The following PHACTR1 variants were observed in gnomAD, a reference collection of about 807,000 sequenced individuals.
PHACTR1 encodes the protein phosphatase and actin regulator 1.
In PHACTR1, 16 loss-of-function variants were observed where a neutral mutation model predicts 69.2. That is an observed-to-expected ratio of 0.23 (90% CI 0.16 to 0.35). PHACTR1 has a LOEUF of 0.35. Among genes scored for constraint, PHACTR1 ranks in the 10% least tolerant of loss-of-function variants. The probability of loss-of-function intolerance (pLI) is 1.00; values close to 1 mark genes in which losing one functional copy is unlikely to be tolerated. For missense variants in PHACTR1, 510 were observed against 734.7 expected, an observed-to-expected ratio of 0.69 and a Z score of 3.54; for synonymous variants, 312 against 284.5, an observed-to-expected ratio of 1.10 and a Z score of -0.97.
At chr6:12,749,310 G>A (rs1384211132) in intron 3 of PHACTR1, 1 of 409,820 alleles carries the variant, frequency 2.4e-6, no homozygotes, top group East Asian at 5.9e-5. Flanking sequence ...GGGAGGCGGG[G>A]TGTCAGCCAA....
rs1232577546 is a variant in PHACTR1, at chr6:13,287,106, T to C, written c.*28T>C. On this transcript the variant is annotated 3_prime_UTR_variant, in exon 15 of 15. Transcript: ENST00000332995. ...GTCGAATTCCTCTTGAGTGCTATGC[T>C]GTCTTCAAAACATAAATTTATAAGA... 3.8e-6 allele frequency: 6 copies of C among 1,589,952 alleles called. No individual in the cohort carries two copies. The East Asian group carries it at 1.1e-4, about 30-fold the overall frequency.
intron 5 of PHACTR1, among the ~76,000 whole-genome samples, chr6:13,073,013 T>G (rs916703765): frequency 2.0e-5 from 3 of 152,138 alleles, no homozygotes; most frequent in Non-Finnish European, 2.9e-5. Flanking sequence ...TTATTTAGAC[T>G]GATTTCGTCT....
chr6:12,857,331 G>A (rs932810177), intron 4 of PHACTR1, among the ~76,000 whole-genome samples: 4 of 152,260 alleles, frequency 2.6e-5, no homozygotes, highest in South Asian at 2.1e-4. Context: ...CAACATTCTC[G>A]TCAGGCGCGG....
intron 4 of PHACTR1, among the ~76,000 whole-genome samples, chr6:12,902,781 C>G (rs1228550920): frequency 1.3e-5 from 2 of 152,178 alleles, no homozygotes; most frequent in African/African-American, 4.8e-5. Flanking sequence ...GGAGAATGTG[C>G]AGATTCGCTC....
intron 4 of PHACTR1, among the ~76,000 whole-genome samples, chr6:13,020,792 G>A (rs1800853975): frequency 6.6e-6 from 1 of 152,108 alleles, no homozygotes; most frequent in African/African-American, 2.4e-5. Context: ...GTACATGTTC[G>A]TTTATTATGG....
rs147348711 is a variant in PHACTR1 at position 12,825,714 on chromosome 6, T to A, written c.250+75924T>A. On this transcript the variant is annotated intron_variant, in intron 4 of 14. Transcript: ENST00000332995. ...TCTCCTATGCAATTTCTTTCTAGAG[T>A]GTCCTTCTGTCTCCATTTTTGCTTT... 1.9e-3 allele frequency among the ~76,000 whole-genome samples: 288 copies of A among 152,154 alleles called. 1 individual carries two copies. Among genetic ancestry groups the A allele is most frequent in the African/African-American group, 6.7e-3 (279 of 41,510 alleles).
chr6:12,718,030 C>T (rs1047153315), intron 2 of PHACTR1, among the ~76,000 whole-genome samples: 1 of 152,094 alleles, frequency 6.6e-6, no homozygotes, highest in African/African-American at 2.4e-5. Context: ...TTGTGACAGG[C>T]TAGTGTATGA....
At position 12,821,412 on chromosome 6, in the gene PHACTR1, G is replaced by A. The variant is rs982238901; in HGVS notation, c.250+71622G>A. Reference sequence around the variant, plus strand: ...TGGGAGGCGGAGGTCGCAGTGAGCTGAGATCGCACCACTGCACTCCAGCCT... The same window carrying A: ...TGGGAGGCGGAGGTCGCAGTGAGCTAAGATCGCACCACTGCACTCCAGCCT... On this transcript the variant is annotated intron_variant, in intron 4 of 14. Coordinates refer to ENST00000332995, the MANE Select transcript of PHACTR1 (RefSeq NM_030948.6). Among the ~76,000 whole-genome samples, 14 of 146,584 alleles carry A rather than the reference G, an allele frequency of 9.6e-5. No homozygotes were observed. In the East Asian group the frequency reaches 2.9e-3, roughly 30 times the overall value.
At chr6:12,835,544 G>C (rs148685591) in intron 4 of PHACTR1, among the ~76,000 whole-genome samples, 1 of 152,034 alleles carries the variant, frequency 6.6e-6, no homozygotes, top group African/African-American at 2.4e-5. Context: ...TTTTAAAAGG[G>C]TATTCAGGAG....
At chr6:13,117,910 C>T (rs939060060) in intron 5 of PHACTR1, among the ~76,000 whole-genome samples, 5 of 152,204 alleles carry the variant, frequency 3.3e-5, no homozygotes, top group Non-Finnish European at 7.3e-5. Context: ...TAAATGAGTG[C>T]AACCACACCC....
chr6:13,166,015 T>A lies in PHACTR1; in HGVS notation c.496+5731T>A, dbSNP rs75635925. ...CATGGTCTGCCCTCCAACCCCTAACTTTCGTTTTCACTCTCTTCATCCCTC... is the reference window on the plus strand; with the variant it reads ...CATGGTCTGCCCTCCAACCCCTAACATTCGTTTTCACTCTCTTCATCCCTC... On this transcript the variant is annotated intron_variant, in intron 6 of 14. Transcript: ENST00000332995. Among the ~76,000 whole-genome samples the A allele has an allele frequency of 8.5e-3, 1,302 of 152,318 alleles. 10 individuals are homozygous for A. Among genetic ancestry groups the A allele is most frequent in the Non-Finnish European group, 0.015 (993 of 68,036 alleles).
chr6:12,913,341 C>G (rs1786615946), intron 4 of PHACTR1, among the ~76,000 whole-genome samples: 1 of 152,212 alleles, frequency 6.6e-6, no homozygotes, highest in African/African-American at 2.4e-5. Flanking sequence ...TTTTAGCACA[C>G]AAAGTCCCAC....
intron 4 of PHACTR1, among the ~76,000 whole-genome samples, chr6:12,972,503 A>G (rs1794342946): frequency 6.6e-6 from 1 of 152,178 alleles, no homozygotes; most frequent in Non-Finnish European, 1.5e-5. Flanking sequence ...AAGTCAAGGT[A>G]TAGGCATAGC....
chr6:12,949,020 C>T (rs1790983087), intron 4 of PHACTR1, among the ~76,000 whole-genome samples: 1 of 152,068 alleles, frequency 6.6e-6, no homozygotes, highest in African/African-American at 2.4e-5. Context: ...CCTGTAATCC[C>T]AGCACTTTTG....
intron 4 of PHACTR1, among the ~76,000 whole-genome samples, chr6:12,918,386 C>T (rs1162888789): frequency 2.0e-5 from 3 of 152,142 alleles, no homozygotes; most frequent in African/African-American, 7.2e-5. Flanking sequence ...CACACATATC[C>T]GTATACTTCA....
At chr6:12,777,750 G>A (rs950318593) in intron 4 of PHACTR1, among the ~76,000 whole-genome samples, 3 of 148,044 alleles carry the variant, frequency 2.0e-5, no homozygotes, top group Non-Finnish European at 4.4e-5. Context: ...TCCTGCCTCA[G>A]CCTCCCAAGA....
intron 5 of PHACTR1, among the ~76,000 whole-genome samples, chr6:13,155,513 T>TAGC (rs1758044875): frequency 6.6e-6 from 1 of 152,188 alleles, no homozygotes; most frequent in Non-Finnish European, 1.5e-5. Context: ...CACTGAAACT[T>TAGC]AGCTCCGACT....
chr6:12,911,387 A>G (rs75324435), intron 4 of PHACTR1, among the ~76,000 whole-genome samples: 3,933 of 152,242 alleles, frequency 0.026, 172 homozygotes, highest in African/African-American at 0.089. Flanking sequence ...ATATCACACC[A>G]TATCTTACTT....
At chr6:12,996,057 A>T (rs1312947914) in intron 4 of PHACTR1, among the ~76,000 whole-genome samples, 1 of 152,186 alleles carries the variant, frequency 6.6e-6, no homozygotes, top group Admixed American at 6.5e-5. Flanking sequence ...TACAAAATAC[A>T]TGAGATTTGC....
Sources: gnomAD v4.1 joint callset for allele counts (sites outside exome capture counted in the v4.1 genomes callset) on GRCh38, gnomAD v4.1.1 for gene constraint, MANE v1.5 for transcripts, NCBI Gene and HGNC (gene_info 2026-07-23, HGNC 2026-07-21) for gene names.